JHY: variants seen among roughly 807,000 people sequenced by gnomAD.
JHY encodes the protein jhy protein homolog.
JHY carries 69 observed loss-of-function variants against 78.0 expected under a neutral mutation model. That is an observed-to-expected ratio of 0.88 (90% CI 0.73 to 1.08). The LOEUF (loss-of-function observed/expected upper bound fraction) is 1.08, where lower values mean the gene tolerates loss of function less well. Ranked by LOEUF, JHY falls within the 50% of genes least tolerant of loss-of-function variation. The probability of loss-of-function intolerance (pLI) is 0.00; values close to 1 mark genes in which losing one functional copy is unlikely to be tolerated. For missense variants in JHY, 944 were observed against 927.8 expected, an observed-to-expected ratio of 1.02 and a Z score of -0.23; for synonymous variants, 368 against 342.6, an observed-to-expected ratio of 1.07 and a Z score of -0.82.
chr11:122,922,549 C>T (rs879566857), intron 3 of JHY, among the ~76,000 whole-genome samples: 3 of 152,186 alleles, frequency 2.0e-5, no homozygotes, highest in East Asian at 1.9e-4. Flanking sequence ...CGGTGGCTCA[C>T]GCCTGTAATC....
In JHY at chr11:122,957,510, G is replaced by A. The variant is rs1486157581; in HGVS notation, c.2139+19G>A. On this transcript the variant is annotated intron_variant, in intron 8 of 8. Transcript: ENST00000227349. Reference sequence around the variant, plus strand: ...GCAGAAGGTAAGAAATTCTCAACAAGGCATTTATTTTTTCAAGCAGAATTA... The same window carrying A: ...GCAGAAGGTAAGAAATTCTCAACAAAGCATTTATTTTTTCAAGCAGAATTA... The A allele has an allele frequency of 7.0e-7, 1 of 1,436,040 alleles. No homozygotes were observed. The highest frequency in any genetic ancestry group is 9.2e-7 in the Non-Finnish European group (1 of 1,092,000). 89.0% of individuals were successfully genotyped at this position (1,436,040 alleles called of 1,614,324 possible).
intron 3 of JHY, among the ~76,000 whole-genome samples, chr11:122,912,734 G>A (rs1233352531): frequency 6.6e-6 from 1 of 151,852 alleles, no homozygotes; most frequent in Non-Finnish European, 1.5e-5. Context: ...GTAAGACTCT[G>A]TCCCAAAAAA....
At chr11:122,914,727 G>A (rs1863200969) in intron 3 of JHY, among the ~76,000 whole-genome samples, 1 of 152,062 alleles carries the variant, frequency 6.6e-6, no homozygotes, top group Admixed American at 6.6e-5. Context: ...ACAGGTGTGA[G>A]CCACCACACC....
At chr11:122,886,559 A>G (rs1408506266) in intron 2 of JHY, among the ~76,000 whole-genome samples, 1 of 152,134 alleles carries the variant, frequency 6.6e-6, no homozygotes, top group Non-Finnish European at 1.5e-5. Context: ...TTTAGTGTAT[A>G]ATCTGGAATA....
chr11:122,894,143 A>G (rs1237312529), intron 2 of JHY, among the ~76,000 whole-genome samples: 1 of 152,064 alleles, frequency 6.6e-6, no homozygotes, highest in Non-Finnish European at 1.5e-5. Flanking sequence ...CAACATAGTG[A>G]AACCCCGTCT....
intron 5 of JHY, among the ~76,000 whole-genome samples, chr11:122,940,651 A>G (rs1863855992): frequency 6.6e-6 from 1 of 152,180 alleles, no homozygotes; most frequent in South Asian, 2.1e-4. Flanking sequence ...AGACAGTGTA[A>G]TTATCCTAGT....
chr11:122,892,599 G>C (rs372765120), intron 2 of JHY, among the ~76,000 whole-genome samples: 1 of 152,142 alleles, frequency 6.6e-6, no homozygotes, highest in East Asian at 1.9e-4. Flanking sequence ...TGGGATTACA[G>C]GCATGAGCCA....
At chr11:122,948,062 G>C (rs565330481) in intron 6 of JHY, among the ~76,000 whole-genome samples, 1 of 152,270 alleles carries the variant, frequency 6.6e-6, no homozygotes, top group East Asian at 1.9e-4. Flanking sequence ...CTGGAGAAAT[G>C]AGTGCCTCAG....
chr11:122,927,756 G>A (rs568854062), intron 4 of JHY, among the ~76,000 whole-genome samples: 1 of 146,924 alleles, frequency 6.8e-6, no homozygotes, highest in African/African-American at 2.5e-5. Context: ...TTGAGACGGA[G>A]TTTTGTTCTT....
intron 5 of JHY, among the ~76,000 whole-genome samples, chr11:122,946,244 A>C (rs1863955618): frequency 6.6e-6 from 1 of 152,126 alleles, no homozygotes; most frequent in Non-Finnish European, 1.5e-5. Context: ...GATTTTTCAA[A>C]ATGGTGTTTT....
chr11:122,923,102 C>G (rs1032903126), intron 3 of JHY, among the ~76,000 whole-genome samples: 4 of 152,210 alleles, frequency 2.6e-5, no homozygotes, highest in African/African-American at 9.6e-5. Flanking sequence ...AGTCGGTCCT[C>G]TAAATAAGAG....
At chr11:122,916,385 T>C (rs1412778143) in intron 3 of JHY, among the ~76,000 whole-genome samples, 1 of 152,196 alleles carries the variant, frequency 6.6e-6, no homozygotes, top group Non-Finnish European at 1.5e-5. Flanking sequence ...CCGTAATTAC[T>C]TGACTTTCAC....
chr11:122,929,160 C>G (rs1863581928), intron 4 of JHY, among the ~76,000 whole-genome samples: 1 of 151,668 alleles, frequency 6.6e-6, no homozygotes, highest in Non-Finnish European at 1.5e-5. Context: ...CTCCTGACCT[C>G]AGGTGATCTG....
chr11:122,904,055 C>T lies in JHY; in HGVS notation c.475C>T (p.Pro159Ser), dbSNP rs141690279. The change falls in exon 3 of 9, where the codon CCT becomes TCT. Residue 159 changes from proline to serine, a missense_variant. Transcript: ENST00000227349. The part of the protein sequence containing the change: ...ESTDSSLENL[P>S]LAPLYPSQET... ...CACGGACAGCTCTTTAGAAAATCTGCCTTTGGCTCCCCTCTACCCTTCCCA... is the reference window on the plus strand; with the variant it reads ...CACGGACAGCTCTTTAGAAAATCTGTCTTTGGCTCCCCTCTACCCTTCCCA... The T allele has an allele frequency of 1.6e-5, 26 of 1,614,042 alleles. No individual in the cohort carries two copies. In the African/African-American group the frequency reaches 3.5e-4, roughly 22 times the overall value.
rs1591404945 is a variant in JHY, at chr11:122,959,717, T to C, written c.*272T>C. On this transcript the variant is annotated 3_prime_UTR_variant, in exon 9 of 9. Transcript: ENST00000227349. ...ACTAGAGAATAAAGCTTTTGTTTTA[T>C]ATTGATCTTTTGATTTCTTCATCTC... 5 of 331,598 alleles carry C rather than the reference T, an allele frequency of 1.5e-5. No homozygotes were observed. In the East Asian group the frequency reaches 3.2e-4, roughly 21 times the overall value. 20.5% of individuals were successfully genotyped at this position (331,598 alleles called of 1,614,324 possible).
intron 5 of JHY, among the ~76,000 whole-genome samples, chr11:122,937,045 A>G (rs568370769): frequency 6.6e-6 from 1 of 152,072 alleles, no homozygotes; most frequent in Non-Finnish European, 1.5e-5. Context: ...CTCCTGATGC[A>G]TTTACTATAA....
chr11:122,913,044 A>G (rs1337253249), intron 3 of JHY, among the ~76,000 whole-genome samples: 2 of 152,068 alleles, frequency 1.3e-5, no homozygotes, highest in African/African-American at 4.8e-5. Flanking sequence ...TGAAAGAGAT[A>G]TAACTTCAGA....
chr11:122,957,030 A>C (rs1864207800), intron 7 of JHY, among the ~76,000 whole-genome samples: 1 of 152,228 alleles, frequency 6.6e-6, no homozygotes, highest in Non-Finnish European at 1.5e-5. Flanking sequence ...GTTGCACTCA[A>C]GGCATAAAAA....
rs1056412621 is a variant in JHY at position 122,882,953 on chromosome 11, C to T, written c.-109C>T. ...ATGCGGGGCCCGTCCGGGTCGCGGC[C>T]GCGGAGGAGCGCCGGGCAGGTGACG... On this transcript the variant is annotated 5_prime_UTR_variant, in exon 1 of 9. Transcript: ENST00000227349. The T allele has an allele frequency of 6.6e-6, 1 of 151,884 alleles. No individual in the cohort carries two copies. The highest frequency in any genetic ancestry group is 1.5e-5 in the Non-Finnish European group (1 of 67,804). The allele number at this position is 151,884 out of a possible 1,614,324, so 9.4% of individuals were successfully genotyped here.
Sources: allele counts gnomAD v4.1 joint callset (sites outside exome capture counted in the v4.1 genomes callset), GRCh38; gene constraint gnomAD v4.1.1; transcripts MANE v1.5; gene names NCBI Gene and HGNC (gene_info 2026-07-23, HGNC 2026-07-21).